Variants in EIF3J observed in about 807,000 individuals in gnomAD.
The protein encoded by EIF3J is eukaryotic translation initiation factor 3, subunit 1 (alpha, 35kD).
A neutral mutation model predicts 39.0 loss-of-function variants in EIF3J; 15 were observed. The ratio of observed to expected loss-of-function variants is 0.38; its 90% CI spans 0.26 to 0.59. EIF3J has a LOEUF of 0.59. EIF3J is among the 20% of genes least tolerant of loss of function. The pLI is 0.60. For missense variants in EIF3J, 226 were observed against 308.6 expected (o/e 0.73, Z 2.00); for synonymous variants, 98 against 112.9 (o/e 0.87, Z 0.84).
Position 44,561,278 on chromosome 15 carries a change from T to G in EIF3J, c.*129T>G, listed in dbSNP as rs561935016. The G allele has an allele frequency of 2.6e-6, 3 of 1,158,054 alleles. No homozygotes were observed. In the South Asian group the frequency reaches 5.1e-5, roughly 20 times the overall value. 71.7% of individuals were successfully genotyped at this position (1,158,054 alleles called of 1,614,324 possible). On this transcript the variant is annotated 3_prime_UTR_variant, in exon 8 of 8. Transcript: ENST00000261868. ...TGCAGTATCTTTTGTGCTGGTTATTTAACCCCTTGACACTTAGGTGCTAAT... is the reference window on the plus strand; with the variant it reads ...TGCAGTATCTTTTGTGCTGGTTATTGAACCCCTTGACACTTAGGTGCTAAT...
intron 2 of EIF3J, among the ~76,000 whole-genome samples, chr15:44,547,114 G>C (rs376295218): frequency 6.7e-6 from 1 of 148,580 alleles, no homozygotes; most frequent in East Asian, 2.0e-4. Context: ...CCCTGAGTTA[G>C]AGAGTGGGAT....
At chr15:44,540,300 G>A (rs1350840301) in intron 2 of EIF3J, among the ~76,000 whole-genome samples, 1 of 116,072 alleles carries the variant, frequency 8.6e-6, no homozygotes, top group Non-Finnish European at 1.7e-5. Flanking sequence ...ACAGGGTTTC[G>A]CCATGTTACC....
chr15:44,560,984 T>C, intron 7 of EIF3J, 34 bp from the exon 8 acceptor site: 1 of 1,609,102 alleles, frequency 6.2e-7, no homozygotes, highest in Non-Finnish European at 8.5e-7. Context: ...CATAGCACAC[T>C]AAGGTTCATG....
At chr15:44,539,291 G>T (rs1052828447) in intron 2 of EIF3J, among the ~76,000 whole-genome samples, 9 of 151,968 alleles carry the variant, frequency 5.9e-5, no homozygotes, top group African/African-American at 2.2e-4. Context: ...CTCCCAAAGT[G>T]CTGGAATTAT....
rs2082202519 is a variant in EIF3J at position 44,561,995 on chromosome 15, C to CA, written c.*846_*847insA. The stretch of plus-strand genomic sequence containing the variant: ...ATGCTCAGCAAACTGCACCAGTTAA[C>CA]TACAGTTTGGTAAATTGTTATGTTA... On this transcript the variant is annotated 3_prime_UTR_variant, in exon 8 of 8. Transcript: ENST00000261868. 6.6e-6 allele frequency: 1 copy of CA among 152,610 alleles called. No individual in the cohort carries two copies. The highest frequency in any genetic ancestry group is 1.5e-5 in the Non-Finnish European group (1 of 68,032). The allele number at this position is 152,610 out of a possible 1,614,324, so 9.5% of individuals were successfully genotyped here.
At position 44,537,448 on chromosome 15, in the gene EIF3J, C is replaced by A. The variant is rs763677310; in HGVS notation, c.147+21C>A. ...TCAAGGTGGGTGCGGGCTAGGGCGC[C>A]GGGCAGCGCGGAAGCGGGCTGGCGC... On this transcript the variant is annotated intron_variant, in intron 2 of 7. Coordinates refer to ENST00000261868, the MANE Select transcript of EIF3J (RefSeq NM_003758.4). 1.1e-5 allele frequency: 16 copies of A among 1,512,256 alleles called. No individual in the cohort carries two copies. The South Asian group carries it at 1.8e-4, about 17-fold the overall frequency. The allele number at this position is 1,512,256 out of a possible 1,614,324, so 93.7% of individuals were successfully genotyped here.
chr15:44,546,044 A>C (rs2082050160), intron 2 of EIF3J, among the ~76,000 whole-genome samples: 1 of 152,200 alleles, frequency 6.6e-6, no homozygotes, highest in Non-Finnish European at 1.5e-5. Flanking sequence ...TATCTGAAAC[A>C]CTGCCCCCTA....
intron 2 of EIF3J, among the ~76,000 whole-genome samples, chr15:44,543,500 G>A (rs1049931681): frequency 3.4e-5 from 5 of 148,772 alleles, no homozygotes; most frequent in Admixed American, 6.8e-5. Flanking sequence ...TGCAACCTCC[G>A]CCTCCTGGGT....
Position 44,562,490 on chromosome 15 carries a change from A to G in EIF3J, c.*1341A>G, listed in dbSNP as rs531788566. ...TTCCCCTAAGACAGAAAGAACAAAAAATGTTTTAAATTTCTCTTATATAGG... is the reference window on the plus strand; with the variant it reads ...TTCCCCTAAGACAGAAAGAACAAAAGATGTTTTAAATTTCTCTTATATAGG... On this transcript the variant is annotated 3_prime_UTR_variant, in exon 8 of 8. Coordinates refer to ENST00000261868, the MANE Select transcript of EIF3J (RefSeq NM_003758.4). The G allele has an allele frequency of 6.5e-6, 1 of 152,674 alleles. No individual in the cohort carries two copies. The highest frequency in any genetic ancestry group is 1.5e-5 in the Non-Finnish European group (1 of 68,064). 9.5% of individuals were successfully genotyped at this position (152,674 alleles called of 1,614,324 possible). A position where few individuals can be genotyped will look rare whatever the true frequency, so the allele number is the denominator to read the frequency against.
rs765986123 is a variant in EIF3J, at chr15:44,537,201, G to A, written c.7G>A (p.Ala3Thr). Residue 3 changes from alanine to threonine, a missense_variant, in exon 1 of 8, where the codon GCG becomes ACG. Physicochemically the swap from Ala to Thr is moderately conservative, Grantham distance 58. Around this residue, in one of 2 missense-constraint regions of EIF3J, gnomAD observed 143 missense variants for 156.0 expected, o/e 0.92. Coordinates refer to ENST00000261868, the MANE Select transcript of EIF3J (RefSeq NM_003758.4). ...CGCTCACACCCGGCTCGAGATGGCG[G>A]CGGCGGCGGCGGCGGCGGGGGACTC... The part of the protein sequence containing the change: MA[A>T]AAAAAGDSDS... The A allele has an allele frequency of 1.9e-6, 3 of 1,602,052 alleles. No homozygotes were observed.
At chr15:44,553,059 G>A (rs2082113764) in intron 4 of EIF3J, among the ~76,000 whole-genome samples, 1 of 151,940 alleles carries the variant, frequency 6.6e-6, no homozygotes, top group Admixed American at 6.6e-5. Context: ...GGTGGTACAT[G>A]CCTGTAGTAT....
chr15:44,537,799 A>C (rs2081972801), intron 2 of EIF3J, among the ~76,000 whole-genome samples: 1 of 152,194 alleles, frequency 6.6e-6, no homozygotes. Flanking sequence ...GAAAGCCTTG[A>C]GACTCGCCTG....
intron 4 of EIF3J, among the ~76,000 whole-genome samples, chr15:44,552,253 T>C (rs2082105674): frequency 6.6e-6 from 1 of 152,134 alleles, no homozygotes; most frequent in African/African-American, 2.4e-5. Context: ...TTGTTTTTTT[T>C]TGTTTTTGTT....
chr15:44,553,784 A>G (rs562643453), intron 4 of EIF3J, among the ~76,000 whole-genome samples: 1 of 152,320 alleles, frequency 6.6e-6, no homozygotes, highest in Admixed American at 6.5e-5. Flanking sequence ...TTATTTCTTA[A>G]GGTAAATACC....
chr15:44,545,886 A>G (rs541985613), intron 2 of EIF3J, among the ~76,000 whole-genome samples: 4 of 152,328 alleles, frequency 2.6e-5, no homozygotes, highest in South Asian at 2.1e-4. Flanking sequence ...TGGGTTGGCT[A>G]TGTCTGGGCC....
intron 2 of EIF3J, among the ~76,000 whole-genome samples, chr15:44,544,901 G>A (rs1056430033): frequency 3.3e-5 from 5 of 151,884 alleles, no homozygotes; most frequent in Admixed American, 2.0e-4. Flanking sequence ...CTACTCAGGA[G>A]GCTGAGGCAG....
intron 4 of EIF3J, 22 bp from the exon 5 acceptor site, chr15:44,554,531 A>G: frequency 6.5e-7 from 1 of 1,541,270 alleles, no homozygotes; most frequent in African/African-American, 1.4e-5. Context: ...TGTGCTTTTT[A>G]AAAACTTTTG....
In EIF3J at chr15:44,537,313, T is replaced by A; in HGVS notation, c.44-11T>A. 2 of 1,561,478 alleles carry A rather than the reference T, an allele frequency of 1.3e-6. No homozygotes were observed. The highest frequency in any genetic ancestry group is 1.7e-6 in the Non-Finnish European group (2 of 1,153,448). On this transcript the variant is annotated splice_polypyrimidine_tract_variant and intron_variant, in intron 1 of 7. Transcript: ENST00000261868. ...GTGGCAGGCACTAACACGGCTCGCT[T>A]TCTTCCGTAGACGCCGACGCTTTCT...
chr15:44,548,345 G>A (rs1402007039), intron 2 of EIF3J, among the ~76,000 whole-genome samples: 1 of 152,188 alleles, frequency 6.6e-6, no homozygotes, highest in Non-Finnish European at 1.5e-5. Flanking sequence ...AACCCAGGAG[G>A]CAGAGGTTGC....
Sources: gnomAD v4.1 joint callset for allele counts (sites outside exome capture counted in the v4.1 genomes callset) on GRCh38, gnomAD v4.1.1 for gene constraint, gnomAD v4.1.1 regional missense constraint, MANE v1.5 for transcripts, NCBI Gene and HGNC (gene_info 2026-07-23, HGNC 2026-07-21) for gene names.